The following NSUN7 variants were observed in gnomAD, a reference collection of about 807,000 sequenced individuals.
The protein encoded by NSUN7 is protein NSUN7.
NSUN7 carries 39 observed loss-of-function variants against 58.5 expected under a neutral mutation model. The observed-to-expected ratio is 0.67, with a 90% CI of 0.52 to 0.87. The LOEUF (loss-of-function observed/expected upper bound fraction) is 0.87, where lower values mean the gene tolerates loss of function less well. Among genes scored for constraint, NSUN7 ranks in the 40% least tolerant of loss-of-function variants. NSUN7 has a pLI of 0.00. For synonymous variants in NSUN7, 278 were observed against 303.7 expected (o/e 0.92, Z 0.88); for missense variants, 765 against 844.1 (o/e 0.91, Z 1.16).
chr4:40,751,188 T>G (rs1010042158), intron 2 of NSUN7, among the ~76,000 whole-genome samples, 197 bp downstream of exon 2: 1 of 152,224 alleles, frequency 6.6e-6, no homozygotes, highest in Non-Finnish European at 1.5e-5. Flanking sequence ...GGATTGCAGA[T>G]TTCCCCGTGC....
At chr4:40,792,561 C>A (rs1000267806) in intron 8 of NSUN7, among the ~76,000 whole-genome samples, 4 of 152,078 alleles carry the variant, frequency 2.6e-5, no homozygotes, top group Non-Finnish European at 2.9e-5. Flanking sequence ...ACCATCCTGG[C>A]TAACACGGTG....
chr4:40,782,841 C>G (rs1742641519), intron 7 of NSUN7, among the ~76,000 whole-genome samples: 1 of 152,098 alleles, frequency 6.6e-6, no homozygotes, highest in Non-Finnish European at 1.5e-5. Flanking sequence ...GCACTCCAGC[C>G]TGGGCAACAA....
Position 40,808,791 on chromosome 4 carries a change from T to C in NSUN7, c.2009T>C (p.Met670Thr). ...FSSPQGIRSR[M>T]PTQHLYCRWV... ...AGTCCCCAAGGGATCAGATCTCGGA[T>C]GCCAACTCAACATTTGTACTGTCGT... is the stretch of plus-strand genomic sequence containing the variant. The change falls in exon 12 of 12, where the codon ATG becomes ACG. Residue 670 changes from methionine to threonine, a missense_variant. Met to Thr is a moderately conservative substitution (Grantham distance 81). Transcript: ENST00000381782. The C allele has an allele frequency of 6.5e-7, 1 of 1,549,496 alleles. No individual in the cohort carries two copies. Among genetic ancestry groups the C allele is most frequent in the Non-Finnish European group, 8.7e-7 (1 of 1,146,556 alleles).
intron 4 of NSUN7, among the ~76,000 whole-genome samples, chr4:40,762,098 C>G (rs1012078937): frequency 2.6e-5 from 4 of 152,146 alleles, no homozygotes; most frequent in Non-Finnish European, 5.9e-5. Flanking sequence ...TGCTTTTGCC[C>G]TTCTGTGTTC....
intron 4 of NSUN7, among the ~76,000 whole-genome samples, chr4:40,768,209 T>C (rs867537927): frequency 0.024 from 3,606 of 151,428 alleles, 158 homozygotes; most frequent in African/African-American, 0.083. Flanking sequence ...TTTTTCTTTT[T>C]TTTTTTTTTT....
intron 8 of NSUN7, among the ~76,000 whole-genome samples, chr4:40,792,660 A>T (rs1039553248): frequency 1.3e-5 from 2 of 152,070 alleles, no homozygotes; most frequent in African/African-American, 4.8e-5. Context: ...CTGAGGCAGG[A>T]GAATGGCTTG....
chr4:40,787,474 T>A (rs961592025), intron 7 of NSUN7, among the ~76,000 whole-genome samples: 2 of 152,066 alleles, frequency 1.3e-5, no homozygotes, highest in South Asian at 4.1e-4. Context: ...CCTAGATACA[T>A]TTAAAGCACA....
chr4:40,786,551 T>C (rs1039238069), intron 7 of NSUN7: 60 of 1,613,244 alleles, frequency 3.7e-5, no homozygotes, highest in Non-Finnish European at 3.1e-5. Flanking sequence ...CTTTCAGAAA[T>C]TGAGAAATTG....
chr4:40,806,099 A>G (rs962494922), intron 10 of NSUN7, among the ~76,000 whole-genome samples: 1 of 152,118 alleles, frequency 6.6e-6, no homozygotes, highest in Non-Finnish European at 1.5e-5. Flanking sequence ...GGTTCAAGCA[A>G]TTCTCTTGCC....
At chr4:40,761,081 A>T (rs1741439404) in intron 3 of NSUN7, 90 bp from the exon 4 acceptor site, 1 of 1,050,570 alleles carries the variant, frequency 9.5e-7, no homozygotes, top group Non-Finnish European at 1.4e-6. Context: ...CTGCTCTGTT[A>T]TGAAAAATAA....
rs1361948906 is a variant in NSUN7, at chr4:40,808,808, T to C, written c.2026T>C (p.Tyr676His). 2 of 1,549,272 alleles carry C rather than the reference T, an allele frequency of 1.3e-6. No individual in the cohort carries two copies. The highest frequency in any genetic ancestry group is 2.4e-5 in the South Asian group (2 of 83,894). ...ATCTCGGATGCCAACTCAACATTTG[T>C]ACTGTCGTTGGGTTGCACCCAAGGC... Reference protein sequence around the residue: ...IRSRMPTQHLYCRWVAPKALV... With the variant: ...IRSRMPTQHLHCRWVAPKALV... The change falls in exon 12 of 12, where the codon TAC (tyrosine) becomes CAC (histidine). Residue 676 changes from tyrosine (Y) to histidine (H), a missense_variant. Coordinates refer to ENST00000381782, the MANE Select transcript of NSUN7 (RefSeq NM_024677.6).
chr4:40,808,715 G>A lies in NSUN7; in HGVS notation c.1933G>A (p.Ala645Thr). ...ACCTCGGCCAGAAGACAGAATGGTTGCTCTGAAACCCATCAAGATTGTTCT... is the reference window on the plus strand; with the variant it reads ...ACCTCGGCCAGAAGACAGAATGGTTACTCTGAAACCCATCAAGATTGTTCT... ...LRPRPEDRMV[A>T]LKPIKIVLPP... The change falls in exon 12 of 12, where the codon GCT becomes ACT. Residue 645 changes from alanine (A) to threonine (T), a missense_variant. Transcript: ENST00000381782. 2 of 1,551,096 alleles carry A rather than the reference G, an allele frequency of 1.3e-6. No homozygotes were observed. Among genetic ancestry groups the A allele is most frequent in the African/African-American group, 1.4e-5 (1 of 72,768 alleles).
chr4:40,761,943 A>G (rs1255004241), intron 4 of NSUN7, among the ~76,000 whole-genome samples: 6 of 152,218 alleles, frequency 3.9e-5, no homozygotes. Flanking sequence ...GTCCCCCAGA[A>G]TTCATGTATT....
intron 4 of NSUN7, among the ~76,000 whole-genome samples, chr4:40,764,525 T>C (rs1244401938): frequency 6.6e-6 from 1 of 152,188 alleles, no homozygotes; most frequent in African/African-American, 2.4e-5. Context: ...TTGTGAATAG[T>C]GCTGCAATAA....
In NSUN7 at chr4:40,775,178, C is replaced by T. The variant is rs1742207567; in HGVS notation, c.825+228C>T. ...AAAGAACATATTCTTCTCCCAGATT[C>T]CATGAATGGGAAGATTTGCATTGCT... On this transcript the variant is annotated intron_variant, in intron 6 of 11. Coordinates refer to ENST00000381782, the MANE Select transcript of NSUN7 (RefSeq NM_024677.6). The surrounding 1 kb of genome is among the most constrained non-coding windows in gnomAD (Gnocchi z 4.3). 2 of 231,548 alleles carry T rather than the reference C, an allele frequency of 8.6e-6. No homozygotes were observed. The highest frequency in any genetic ancestry group is 4.5e-5 in the African/African-American group (2 of 44,638). 14.3% of individuals were successfully genotyped at this position (231,548 alleles called of 1,614,324 possible). A position where few individuals can be genotyped will look rare whatever the true frequency, so the allele number is the denominator to read the frequency against.
In NSUN7 at chr4:40,794,290, A is replaced by C. The variant is rs2465557; in HGVS notation, c.1181-85A>C. On this transcript the variant is annotated intron_variant, in intron 8 of 11. Coordinates refer to ENST00000381782, the MANE Select transcript of NSUN7 (RefSeq NM_024677.6). ...TGAAACACTTTTATTGGTAGGCAAA[A>C]TGATTGAAAAATTATATGATGATAA... 4.0e-3 allele frequency: 2,436 copies of C among 608,872 alleles called. 54 individuals carry two copies. In the African/African-American group the frequency reaches 0.041, roughly 10 times the overall value. 37.7% of individuals were successfully genotyped at this position (608,872 alleles called of 1,614,324 possible). A position where few individuals can be genotyped will look rare whatever the true frequency, so the allele number is the denominator to read the frequency against.
chr4:40,792,757 A>AG (rs1743149812), intron 8 of NSUN7, among the ~76,000 whole-genome samples: 1 of 109,132 alleles, frequency 9.2e-6, no homozygotes, highest in Non-Finnish European at 1.9e-5. Context: ...CTCATTTAAA[A>AG]AAAAAAAAGT....
At chr4:40,789,095 G>A (rs1742964948) in intron 7 of NSUN7, among the ~76,000 whole-genome samples, 2 of 152,304 alleles carry the variant, frequency 1.3e-5, no homozygotes, top group East Asian at 1.9e-4. Context: ...CAACTGAGTG[G>A]AAGAATATGA....
At chr4:40,784,947 C>A (rs1209907471) in intron 7 of NSUN7, among the ~76,000 whole-genome samples, 1 of 152,196 alleles carries the variant, frequency 6.6e-6, no homozygotes, top group Non-Finnish European at 1.5e-5. Flanking sequence ...TACCTAGTGA[C>A]TGCACAGAAC....
Sources: gnomAD v4.1 joint callset for allele counts (sites outside exome capture counted in the v4.1 genomes callset) on GRCh38, gnomAD v4.1.1 for gene constraint, Gnocchi (gnomAD v3.1) non-coding constraint, MANE v1.5 for transcripts, NCBI Gene and HGNC (gene_info 2026-07-23, HGNC 2026-07-21) for gene names.